ETNK2: variants seen among roughly 807,000 people sequenced by gnomAD.
The protein encoded by ETNK2 is ethanolamine kinase-like protein.
In ETNK2, 33 loss-of-function variants were observed where a neutral mutation model predicts 46.2. The observed-to-expected ratio is 0.71, with a 90% CI of 0.54 to 0.96. The LOEUF (loss-of-function observed/expected upper bound fraction) is 0.96, where lower values mean the gene tolerates loss of function less well. Among genes scored for constraint, ETNK2 ranks in the 40% least tolerant of loss-of-function variants. ETNK2 has a pLI of 0.00. For synonymous variants in ETNK2, 194 were observed against 209.0 expected, an observed-to-expected ratio of 0.93 and a Z score of 0.62; for missense variants, 445 against 509.7, an observed-to-expected ratio of 0.87 and a Z score of 1.22.
rs574232258 is a variant in ETNK2, at chr1:204,146,425, G to A, written c.641+217C>T. 2.0e-5 allele frequency among the ~76,000 whole-genome samples: 3 copies of A among 152,246 alleles called. No homozygotes were observed. The South Asian group carries it at 6.2e-4, about 32-fold the overall frequency. On this transcript the variant is annotated intron_variant, in intron 3 of 7. Coordinates refer to ENST00000367202, the MANE Select transcript of ETNK2 (RefSeq NM_018208.4). The stretch of plus-strand genomic sequence containing the variant: ...GAGTGAAGGAGAAATGAGCACATGG[G>A]TATAAAACTGCCCATCTAAGCTCCT...
At chr1:204,145,802 G>A (rs746461973) in intron 3 of ETNK2, among the ~76,000 whole-genome samples, 6 of 152,178 alleles carry the variant, frequency 3.9e-5, no homozygotes, top group Non-Finnish European at 7.3e-5. Flanking sequence ...ACCCAGCAGG[G>A]AGCGTGAAGG....
chr1:204,138,482 C>T (rs1657373700), intron 5 of ETNK2: 1 of 152,500 alleles, frequency 6.6e-6, no homozygotes, highest in South Asian at 2.1e-4. Context: ...CATTCCCGGA[C>T]CCAGGGCCCT....
intron 1 of ETNK2, 33 bp from the exon 2 acceptor site, chr1:204,149,995 TG>T: frequency 2.9e-4 from 13 of 45,172 alleles, no homozygotes; most frequent in Non-Finnish European, 4.2e-4. Context: ...CGTGGGTGGG[TG>T]GGTGGGGCAG....
At position 204,151,941 on chromosome 1, in the gene ETNK2, C is replaced by G. The variant is rs530942837; in HGVS notation, c.-89G>C. 2,536 of 1,326,412 alleles carry G rather than the reference C, an allele frequency of 1.9e-3. 7 individuals are homozygous for G. Among genetic ancestry groups the G allele is most frequent in the Non-Finnish European group, 2.3e-3 (2,396 of 1,026,172 alleles). 82.2% of individuals were successfully genotyped at this position (1,326,412 alleles called of 1,614,324 possible). On this transcript the variant is annotated 5_prime_UTR_variant, in exon 1 of 8. Coordinates refer to ENST00000367202, the MANE Select transcript of ETNK2 (RefSeq NM_018208.4). This position sits in a 1 kb window ranked among gnomAD's most constrained non-coding sequence, Gnocchi z 8.0. ...GGGAGTGGGAGTGGTAGAGGAGGGG[C>G]CAGGGGAAGTCCATGACTCAGGCGC...
chr1:204,135,069 C>T (rs1657230995), intron 6 of ETNK2, among the ~76,000 whole-genome samples: 1 of 152,064 alleles, frequency 6.6e-6, no homozygotes, highest in Admixed American at 6.5e-5. Context: ...GGCAGCAGTG[C>T]CCTGGCCACG....
chr1:204,136,927 A>G (rs1159748727), intron 6 of ETNK2, among the ~76,000 whole-genome samples, 177 bp downstream of exon 6: 1 of 152,128 alleles, frequency 6.6e-6, no homozygotes, highest in African/African-American at 2.4e-5. Context: ...TCAAGTATTA[A>G]GAGCTGCCTA....
intron 7 of ETNK2, among the ~76,000 whole-genome samples, chr1:204,133,905 TGAAGGTGGG>T: frequency 6.6e-6 from 1 of 152,270 alleles, no homozygotes; most frequent in East Asian, 1.9e-4. Context: ...CCCTTTCAGC[TGAAGGTGGG>T]TGAGGAGGAG....
intron 6 of ETNK2, among the ~76,000 whole-genome samples, chr1:204,136,736 A>T (rs1657300729): frequency 1.3e-5 from 2 of 151,410 alleles, no homozygotes; most frequent in Admixed American, 6.6e-5. Context: ...AAAAAAGTAT[A>T]TATACATATA....
intron 2 of ETNK2, 99 bp from the exon 3 acceptor site, chr1:204,146,863 G>A (rs1352274447): frequency 2.0e-6 from 3 of 1,506,204 alleles, no homozygotes; most frequent in South Asian, 2.4e-5. Context: ...GGCCCACCAG[G>A]GCACTTGCCA....
rs543147602 is a variant in ETNK2 at position 204,139,514 on chromosome 1, G to A, written c.868+521C>T. Among the ~76,000 whole-genome samples, 6 of 152,298 alleles carry A rather than the reference G, an allele frequency of 3.9e-5. No homozygotes were observed. In the East Asian group the frequency reaches 1.2e-3, roughly 29 times the overall value. On this transcript the variant is annotated intron_variant, in intron 5 of 7. Coordinates refer to ENST00000367202, the MANE Select transcript of ETNK2 (RefSeq NM_018208.4). ...GAGACTTGGAACTCTCTAAAAGCAG[G>A]CTGTGCCTTAACCCCTTAAGCTGTG...
chr1:204,137,158 G>A lies in ETNK2; in HGVS notation c.960C>T (p.Ala320=), dbSNP rs959224768. 23 of 1,613,828 alleles carry A rather than the reference G, an allele frequency of 1.4e-5. No homozygotes were observed. The highest frequency in any genetic ancestry group is 8.3e-5 in the Admixed American group (5 of 60,006). Reference sequence around the variant, plus strand: ...GCCTTTGCACCTCCCTGGGGGTCACGGCCATCCCCTTTTGTGCCTGCAGGT... The same window carrying A: ...GCCTTTGCACCTCCCTGGGGGTCACAGCCATCCCCTTTTGTGCCTGCAGGT... ...HYYLQAQKGM[A]VTPREVQRLY... Residue 320 remains alanine (A), a synonymous_variant, in exon 6 of 8, where the codon GCC becomes GCT. Coordinates refer to ENST00000367202, the MANE Select transcript of ETNK2 (RefSeq NM_018208.4).
chr1:204,135,543 A>G (rs1453127941), intron 6 of ETNK2, among the ~76,000 whole-genome samples: 4 of 152,294 alleles, frequency 2.6e-5, no homozygotes, highest in African/African-American at 7.2e-5. Flanking sequence ...TGGCTCTCCC[A>G]TCCCATTCCC....
At chr1:204,132,428 A>T (rs574159264) in intron 7 of ETNK2, among the ~76,000 whole-genome samples, 172 bp from the exon 8 acceptor site, 11 of 152,168 alleles carry the variant, frequency 7.2e-5, no homozygotes, top group South Asian at 2.1e-4. Context: ...CTTCTTTTTA[A>T]AATTTTTAAT....
At chr1:204,144,463 GT>G (rs1406092647) in intron 3 of ETNK2, among the ~76,000 whole-genome samples, 1 of 149,878 alleles carries the variant, frequency 6.7e-6, no homozygotes, top group Non-Finnish European at 1.5e-5. Context: ...GGGAATCCTA[GT>G]CCTAGATCTT....
chr1:204,148,604 A>G (rs958674960), intron 2 of ETNK2, among the ~76,000 whole-genome samples: 5 of 125,574 alleles, frequency 4.0e-5, no homozygotes, highest in African/African-American at 1.5e-4. Context: ...ACACACACAC[A>G]CACACACTGC....
chr1:204,141,213 A>G (rs1657514300), intron 4 of ETNK2, 102 bp downstream of exon 4: 2 of 1,433,286 alleles, frequency 1.4e-6, no homozygotes, highest in Non-Finnish European at 2.0e-6. Context: ...ATCAAGGTCT[A>G]ACTTTTGCTT....
chr1:204,148,991 C>T (rs1262065848), intron 2 of ETNK2, among the ~76,000 whole-genome samples: 4 of 152,172 alleles, frequency 2.6e-5, no homozygotes, highest in Non-Finnish European at 4.4e-5. Flanking sequence ...ACACTGCTTG[C>T]CATCCTTGTT....
At chr1:204,144,358 A>T in intron 3 of ETNK2, among the ~76,000 whole-genome samples, 1 of 149,010 alleles carries the variant, frequency 6.7e-6, no homozygotes. Flanking sequence ...AAAAAAAAAA[A>T]AAAAAAAAAA....
chr1:204,141,077 T>C lies in ETNK2; in HGVS notation c.784+238A>G. ...CTGGGCTTAAGCAATCCACATGCCT[T>C]GGCCTCCCAAACTGCTGGGATTATA... On this transcript the variant is annotated intron_variant, in intron 4 of 7. Coordinates refer to ENST00000367202, the MANE Select transcript of ETNK2 (RefSeq NM_018208.4). The C allele has an allele frequency of 5.0e-6, 3 of 604,166 alleles. No individual in the cohort carries two copies. The South Asian group carries it at 5.3e-5, about 11-fold the overall frequency. 37.4% of individuals were successfully genotyped at this position (604,166 alleles called of 1,614,324 possible).
Sources: allele counts gnomAD v4.1 joint callset (sites outside exome capture counted in the v4.1 genomes callset), GRCh38; gene constraint gnomAD v4.1.1; non-coding constraint Gnocchi (gnomAD v3.1); transcripts MANE v1.5; gene names NCBI Gene and HGNC (gene_info 2026-07-23, HGNC 2026-07-21).